Variants in SFMBT2 observed in about 807,000 individuals in gnomAD.
SFMBT2 encodes scm-like with four MBT domains protein 2.
SFMBT2 carries 38 observed loss-of-function variants against 110.1 expected under a neutral mutation model. The observed-to-expected ratio is 0.35, with a 90% CI of 0.27 to 0.45. The LOEUF is 0.45. Ranked by LOEUF, SFMBT2 falls within the 20% of genes least tolerant of loss-of-function variation. SFMBT2 has a pLI of 1.00. For missense variants in SFMBT2, 1,011 were observed against 1,094.9 expected (o/e 0.92, Z 1.08); for synonymous variants, 425 against 425.4 (o/e 1.00, Z 0.01).
intron 16 of SFMBT2, among the ~76,000 whole-genome samples, chr10:7,177,356 G>A (rs369584001): frequency 4.0e-4 from 60 of 151,600 alleles, no homozygotes; most frequent in African/African-American, 1.3e-3. Flanking sequence ...ATCTCCCCCC[G>A]CCCCCCGCAA....
Position 7,382,711 on chromosome 10 carries a change from C to T in SFMBT2, c.-51-762G>A, listed in dbSNP as rs189287058. ...GCCCTGCCTCAGGAAGAAGTCCTCA[C>T]GTGTTACACATGATCTGTTACCAAA... is the stretch of plus-strand genomic sequence containing the variant. On this transcript the variant is annotated intron_variant, in intron 1 of 20. Transcript: ENST00000397167. 7.9e-4 allele frequency among the ~76,000 whole-genome samples: 120 copies of T among 152,280 alleles called. 1 individual carries two copies. The highest frequency in any genetic ancestry group is 2.8e-3 in the African/African-American group (115 of 41,562).
chr10:7,328,813 A>C (rs1213741057), intron 4 of SFMBT2, among the ~76,000 whole-genome samples: 1 of 152,028 alleles, frequency 6.6e-6, no homozygotes, highest in Non-Finnish European at 1.5e-5. Context: ...CATTTGTACC[A>C]AAAAAAAGTG....
chr10:7,359,144 C>T (rs573157872), intron 4 of SFMBT2, among the ~76,000 whole-genome samples: 4 of 152,338 alleles, frequency 2.6e-5, no homozygotes, highest in East Asian at 1.9e-4. Flanking sequence ...TCCTGCAGGC[C>T]GAGCTGTGCC....
chr10:7,374,761 C>T (rs150244878), intron 2 of SFMBT2, among the ~76,000 whole-genome samples: 180 of 152,298 alleles, frequency 1.2e-3, no homozygotes, highest in African/African-American at 4.2e-3. Flanking sequence ...CCTTCATGCC[C>T]AGCACTGATG....
intron 11 of SFMBT2, chr10:7,207,107 C>T (rs1297565795): frequency 6.2e-6 from 1 of 162,364 alleles, no homozygotes; most frequent in Non-Finnish European, 1.3e-5. Context: ...CACCAGTAGT[C>T]CCAGCTACTC....
intron 4 of SFMBT2, among the ~76,000 whole-genome samples, chr10:7,339,276 T>A (rs964727326): frequency 6.6e-6 from 1 of 152,104 alleles, no homozygotes; most frequent in Non-Finnish European, 1.5e-5. Flanking sequence ...TAAATAAATA[T>A]TGGCTTTTTA....
intron 2 of SFMBT2, among the ~76,000 whole-genome samples, chr10:7,377,134 A>T (rs1029062683): frequency 1.5e-4 from 20 of 129,468 alleles, no homozygotes; most frequent in African/African-American, 5.9e-4. Flanking sequence ...GCACCATTGC[A>T]CTCCAGCCTG....
chr10:7,310,196 C>G (rs1842810171), intron 4 of SFMBT2, among the ~76,000 whole-genome samples: 1 of 152,196 alleles, frequency 6.6e-6, no homozygotes, highest in South Asian at 2.1e-4. Flanking sequence ...TGCTGTCTAG[C>G]CAAATGTCAC....
At chr10:7,327,660 G>A (rs1339678991) in intron 4 of SFMBT2, among the ~76,000 whole-genome samples, 1 of 148,156 alleles carries the variant, frequency 6.7e-6, no homozygotes. Context: ...CAGCCTGGGA[G>A]ACAGAGCGAG....
At chr10:7,257,431 C>A (rs1273888894) in intron 7 of SFMBT2, among the ~76,000 whole-genome samples, 2 of 152,128 alleles carry the variant, frequency 1.3e-5, no homozygotes, top group Admixed American at 6.5e-5. Flanking sequence ...ACCATCGCTG[C>A]GGGAGAAACA....
chr10:7,347,159 G>A (rs1301470392), intron 4 of SFMBT2, among the ~76,000 whole-genome samples: 2 of 152,116 alleles, frequency 1.3e-5, no homozygotes, highest in Non-Finnish European at 2.9e-5. Flanking sequence ...CAGCTAGGGA[G>A]TACCTTTCCC....
chr10:7,364,010 G>A (rs865826516), intron 4 of SFMBT2, among the ~76,000 whole-genome samples: 10 of 152,058 alleles, frequency 6.6e-5, no homozygotes, highest in African/African-American at 2.2e-4. Context: ...AATGATATCA[G>A]GTCTCTAAGA....
intron 4 of SFMBT2, among the ~76,000 whole-genome samples, chr10:7,352,407 C>T (rs969691523): frequency 2.0e-5 from 3 of 152,194 alleles, no homozygotes; most frequent in African/African-American, 7.2e-5. Context: ...ACTGCAGCCT[C>T]GACCTCCTGA....
In SFMBT2 at chr10:7,172,605, G is replaced by C; in HGVS notation, c.2041C>G (p.Pro681Ala). ...GCGGGTTTGGGGTGTCCGCTGTCGG[G>C]GTTGCTTTCCCCGATGGGGGGCTTG... Reference protein sequence around the residue: ...ISKPPIGESNPDSGHPKPARR... With the variant: ...ISKPPIGESNADSGHPKPARR... Residue 681 changes from proline (P) to alanine (A), a missense_variant, in exon 18 of 21, where the codon CCC (proline) becomes GCC (alanine). Pro to Ala is a conservative substitution (Grantham distance 27). This residue lies in a region of SFMBT2 where 979 missense variants were observed against 1,016.1 expected (regional missense o/e 0.96). Transcript: ENST00000397167. This position sits in a 1 kb window ranked among gnomAD's most constrained non-coding sequence, Gnocchi z 4.6. The C allele has an allele frequency of 6.2e-7, 1 of 1,614,208 alleles. No individual in the cohort carries two copies. Among genetic ancestry groups the C allele is most frequent in the Non-Finnish European group, 8.5e-7 (1 of 1,180,040 alleles).
At position 7,205,867 on chromosome 10, in the gene SFMBT2, C is replaced by A; in HGVS notation, c.1392G>T (p.Val464=). Residue 464 remains valine, a synonymous_variant, in exon 12 of 21, where the codon GTG becomes GTT. Coordinates refer to ENST00000397167, the MANE Select transcript of SFMBT2 (RefSeq NM_001387889.1). ...VDVESMDIFP[V]GWCEANSYPL... is the part of the protein sequence containing the mutation. ...GATAAGAATTGGCTTCACACCAGCC[C>A]ACTGGGAAGATGTCCATGGATTCCA... The A allele has an allele frequency of 2.5e-6, 4 of 1,614,082 alleles. No homozygotes were observed. Among genetic ancestry groups the A allele is most frequent in the Non-Finnish European group, 2.5e-6 (3 of 1,179,986 alleles).
At chr10:7,333,344 C>T (rs997300343) in intron 4 of SFMBT2, among the ~76,000 whole-genome samples, 4 of 151,522 alleles carry the variant, frequency 2.6e-5, no homozygotes, top group Non-Finnish European at 4.4e-5. Flanking sequence ...TGGCATATTA[C>T]AGGCACCTAG....
At position 7,310,767 on chromosome 10, in the gene SFMBT2, T is replaced by C. The variant is rs150211100; in HGVS notation, c.437-24813A>G. Among the ~76,000 whole-genome samples the C allele has an allele frequency of 2.0e-4, 31 of 152,316 alleles. No homozygotes were observed. The East Asian group carries it at 5.4e-3, about 27-fold the overall frequency. On this transcript the variant is annotated intron_variant, in intron 4 of 20. Transcript: ENST00000397167. ...GTGTGCAAAAAATGTCAGCCAGGGC[T>C]AGACGCGGTGGCTCATGCTTGTAAT...
intron 14 of SFMBT2, 72 bp downstream of exon 14, chr10:7,200,341 GA>G: frequency 3.3e-6 from 4 of 1,202,290 alleles, no homozygotes; most frequent in Non-Finnish European, 4.5e-6. Flanking sequence ...TATCGACCTA[GA>G]AACCTATACA....
chr10:7,304,928 A>G (rs1411456027), intron 4 of SFMBT2, among the ~76,000 whole-genome samples: 1 of 152,208 alleles, frequency 6.6e-6, no homozygotes, highest in Non-Finnish European at 1.5e-5. Context: ...CACCCCTGGG[A>G]GGACAGGCTC....
Sources: allele counts gnomAD v4.1 joint callset (sites outside exome capture counted in the v4.1 genomes callset), GRCh38; gene constraint gnomAD v4.1.1; regional missense constraint gnomAD v4.1.1; non-coding constraint Gnocchi (gnomAD v3.1); transcripts MANE v1.5; gene names NCBI Gene and HGNC (gene_info 2026-07-23, HGNC 2026-07-21).